The following PLEC variants were observed in gnomAD, a reference collection of about 807,000 sequenced individuals.
PLEC encodes the protein plectin, also known as hemidesmosomal protein 1.
In PLEC, 216 loss-of-function variants were observed where a neutral mutation model predicts 392.8. The ratio of observed to expected loss-of-function variants is 0.55; its 90% CI spans 0.49 to 0.62. The LOEUF (loss-of-function observed/expected upper bound fraction) is 0.62, where lower values mean the gene tolerates loss of function less well. PLEC is among the 20% of genes least tolerant of loss of function. PLEC has a pLI of 0.00. For synonymous variants in PLEC, 3,621 were observed against 2,980.6 expected (o/e 1.21, Z -7.00); for missense variants, 6,863 against 6,563.4 (o/e 1.05, Z -1.58).
intron 6 of PLEC, 87 bp downstream of exon 6, chr8:143,935,761 C>T (rs2132113176): frequency 6.9e-7 from 1 of 1,454,532 alleles, no homozygotes; most frequent in Middle Eastern, 1.9e-4. Flanking sequence ...CTGCCCTCCT[C>T]CCTGCCCCAA....
intron 1 of PLEC, among the ~76,000 whole-genome samples, chr8:143,959,169 G>A (rs1357466350): frequency 1.3e-5 from 2 of 152,162 alleles, no homozygotes; most frequent in African/African-American, 4.8e-5. Flanking sequence ...TCGGTCCAGC[G>A]CCAGGACATG....
At chr8:143,926,583 G>T (rs1464389714) in intron 30 of PLEC, among the ~76,000 whole-genome samples, 1 of 152,182 alleles carries the variant, frequency 6.6e-6, no homozygotes, top group Admixed American at 6.5e-5. Flanking sequence ...GAGCAGTGTA[G>T]CCACACCAGG....
At chr8:143,958,547 C>A, upstream of PLEC, 1 of 382,160 alleles carries the variant, frequency 2.6e-6, no homozygotes. This position sits in a 1 kb window ranked among gnomAD's most constrained non-coding sequence, Gnocchi z 4.9. Flanking sequence ...GCCTGGCCAC[C>A]ACCCTTTCAC....
Position 143,925,286 on chromosome 8 carries a change from G to A in PLEC, c.4643C>T (p.Ala1548Val), listed in dbSNP as rs533788232. ...CTCGGCCTGCCGCAGGCGCCGCTCCGCCTCCTCCGCCTGCAGCCGCAGCTC... is the reference window on the plus strand; with the variant it reads ...CTCGGCCTGCCGCAGGCGCCGCTCCACCTCCTCCGCCTGCAGCCGCAGCTC... Reference protein sequence around the residue: ...LEELRLQAEEAERRLRQAEVE... With the variant: ...LEELRLQAEEVERRLRQAEVE... The change falls in exon 31 of 32, where the codon GCG becomes GTG. Residue 1548 changes from alanine to valine, a missense_variant. Ala to Val is a moderately conservative substitution (Grantham distance 64, BLOSUM62 0). Transcript: ENST00000345136. 28 of 1,575,518 alleles carry A rather than the reference G, an allele frequency of 1.8e-5. No individual in the cohort carries two copies. Among genetic ancestry groups the A allele is most frequent in the Middle Eastern group, 2.0e-4 (1 of 4,916 alleles).
intron 12 of PLEC, among the ~76,000 whole-genome samples, chr8:143,933,724 G>A (rs1828086873): frequency 6.6e-6 from 1 of 152,182 alleles, no homozygotes. Flanking sequence ...ACAGTAAGCC[G>A]CTGTCGGGGA....
chr8:143,951,994 G>A (rs1360624596), upstream of PLEC, among the ~76,000 whole-genome samples: 2 of 151,996 alleles, frequency 1.3e-5, no homozygotes, highest in African/African-American at 4.8e-5. Context: ...GCCCCAAGCC[G>A]ACACACCCCT....
At chr8:143,941,385 A>G (rs1045033965), upstream of PLEC, among the ~76,000 whole-genome samples, 9 of 152,110 alleles carry the variant, frequency 5.9e-5, no homozygotes, top group Non-Finnish European at 1.3e-4. Flanking sequence ...CCCTGCCACT[A>G]ACAGGCCTCC....
upstream of PLEC, chr8:143,942,611 C>G (rs976779559): frequency 3.6e-6 from 5 of 1,390,334 alleles, no homozygotes; most frequent in Admixed American, 5.2e-5. Flanking sequence ...GCGAGGCTGC[C>G]GGCTTCGCTC....
chr8:143,933,168 G>A, intron 13 of PLEC, 29 bp downstream of exon 13: 1 of 1,610,398 alleles, frequency 6.2e-7, no homozygotes, highest in East Asian at 2.2e-5. Context: ...TGTGTACCTG[G>A]GCTTCAGGGA....
Position 143,969,310 on chromosome 8 carries a change from C to T in PLEC, c.70+4093G>A, listed in dbSNP as rs1373894054. Among the ~76,000 whole-genome samples, 1 of 152,210 alleles carries T rather than the reference C, an allele frequency of 6.6e-6. No homozygotes were observed. The highest frequency in any genetic ancestry group is 2.4e-5 in the African/African-American group (1 of 41,446). On this transcript the variant is annotated intron_variant, in intron 1 of 31. Transcript: ENST00000356346. The surrounding 1 kb of genome is among the most constrained non-coding windows in gnomAD (Gnocchi z 5.1). The stretch of plus-strand genomic sequence containing the variant: ...CTGTCTGCCTGAGCCCCTCAGCCCC[C>T]CCATTCTCCCTGTCCCCCATCCAGG...
At chr8:143,957,739 CCT>C (rs1832668966), upstream of PLEC, among the ~76,000 whole-genome samples, 1 of 152,200 alleles carries the variant, frequency 6.6e-6, no homozygotes, top group African/African-American at 2.4e-5. Context: ...TGGGCCCTCC[CCT>C]GAGGCCCTGC....
rs782439392 is a variant in PLEC at position 143,916,620 on chromosome 8, C to T, written c.13201G>A (p.Asp4401Asn). 2.4e-5 allele frequency: 38 copies of T among 1,609,918 alleles called. No homozygotes were observed. In the East Asian group the frequency reaches 3.1e-4, roughly 13 times the overall value. Reference sequence around the variant, plus strand: ...TCCAGGGGCACGCGGCCCGGCGTGTCGGGCTCGATCAAGCCGCCGGTCAGG... The same window carrying T: ...TCCAGGGGCACGCGGCCCGGCGTGTTGGGCTCGATCAAGCCGCCGGTCAGG... ...QYLTGGLIEP[D>N]TPGRVPLDEA... The change falls in exon 32 of 32, where the codon GAC becomes AAC. Residue 4401 changes from aspartate (D) to asparagine (N), a missense_variant. Transcript: ENST00000345136.
Position 143,922,364 on chromosome 8 carries a change from T to C in PLEC, c.7457A>G (p.Gln2486Arg), listed in dbSNP as rs782783768. Reference protein sequence around the residue: ...MQTVQQEQLLQETQALQQSFL... With the variant: ...MQTVQQEQLLRETQALQQSFL... ...GCTTTGCTGCAGGGCCTGCGTCTCC[T>C]GCAGCAGCTGCTCCTGCTGCACCGT... The change falls in exon 32 of 32, where the codon CAG becomes CGG. Residue 2486 changes from glutamine (Q) to arginine (R), a missense_variant. Transcript: ENST00000345136. The C allele has an allele frequency of 2.5e-6, 4 of 1,603,478 alleles. No homozygotes were observed. The highest frequency in any genetic ancestry group is 3.4e-6 in the Non-Finnish European group (4 of 1,179,964).
In PLEC at chr8:143,950,737, G is replaced by T. The variant is rs549635242; in HGVS notation, c.-31C>A. The T allele has an allele frequency of 2.2e-4, 347 of 1,543,880 alleles. 1 individual carries two copies. Among genetic ancestry groups the T allele is most frequent in the Non-Finnish European group, 2.9e-4 (333 of 1,150,840 alleles). On this transcript the variant is annotated 5_prime_UTR_variant, in exon 1 of 32. Coordinates refer to the PLEC transcript ENST00000322810. The stretch of plus-strand genomic sequence containing the variant: ...CTGGAGCCGGGCAGTCAGTGCGGGG[G>T]CAAAGGCAGCAGGCAGGGTACCACG...
chr8:143,957,906 G>C (rs990738539), upstream of PLEC, among the ~76,000 whole-genome samples: 9 of 150,900 alleles, frequency 6.0e-5, no homozygotes, highest in Admixed American at 5.3e-4. Context: ...ACCCCATGCA[G>C]AGGCGACCTG....
In PLEC at chr8:143,922,603, G is replaced by A. The variant is rs782057601; in HGVS notation, c.7326C>T (p.Asp2442=). 1.2e-6 allele frequency: 2 copies of A among 1,613,496 alleles called. No individual in the cohort carries two copies. Among genetic ancestry groups the A allele is most frequent in the South Asian group, 1.1e-5 (1 of 91,060 alleles). ...CCTCCCGCAGGCGCTCGGCATCATGGTCACTCTGCTGTCGCTGGATCTCCA... is the reference window on the plus strand; with the variant it reads ...CCTCCCGCAGGCGCTCGGCATCATGATCACTCTGCTGTCGCTGGATCTCCA... ...QTLEIQRQQS[D]HDAERLREAI... Residue 2442 remains aspartate (D), a synonymous_variant, in exon 31 of 32, where the codon GAC becomes GAT. Transcript: ENST00000345136.
intron 12 of PLEC, 123 bp downstream of exon 12, chr8:143,933,875 C>T (rs1024604076): frequency 1.3e-5 from 10 of 788,508 alleles, no homozygotes; most frequent in African/African-American, 1.0e-4. Flanking sequence ...ACATGCCCCG[C>T]CCCTGCCCCT....
chr8:143,953,858 G>T, upstream of PLEC: 2 of 1,575,806 alleles, frequency 1.3e-6, no homozygotes, highest in Non-Finnish European at 1.7e-6. Context: ...CCGCAGCCGG[G>T]GGAGGAGCCC....
intron 1 of PLEC, 70 bp downstream of exon 1, chr8:143,939,280 C>T: frequency 6.5e-7 from 1 of 1,547,746 alleles, no homozygotes; most frequent in Non-Finnish European, 8.8e-7. Context: ...TTTCCTGCCA[C>T]AGGAAGTGGG....
Sources: allele counts gnomAD v4.1 joint callset (sites outside exome capture counted in the v4.1 genomes callset), GRCh38; gene constraint gnomAD v4.1.1; non-coding constraint Gnocchi (gnomAD v3.1); transcripts MANE v1.5; gene names NCBI Gene and HGNC (gene_info 2026-07-23, HGNC 2026-07-21).